The following TMEM74 variants were observed in gnomAD, a reference collection of about 807,000 sequenced individuals.
TMEM74 encodes the protein transmembrane protein 74.
A neutral mutation model predicts 18.1 loss-of-function variants in TMEM74; 13 were observed. That is an observed-to-expected ratio of 0.72 (90% confidence interval 0.47 to 1.14). The LOEUF is 1.14. Ranked by LOEUF, TMEM74 falls within the 50% of genes most tolerant of loss-of-function variation. TMEM74 has a pLI of 0.00. For synonymous variants in TMEM74, 159 were observed against 146.6 expected (o/e 1.08, Z -0.61); for missense variants, 372 against 375.9 (o/e 0.99, Z 0.09).
intron 2 of TMEM74, among the ~76,000 whole-genome samples, chr8:108,624,974 C>G (rs1380639027): frequency 1.3e-5 from 2 of 152,150 alleles, no homozygotes; most frequent in East Asian, 1.9e-4. Flanking sequence ...GCCATACTTA[C>G]TTAAATTAAC....
chr8:108,676,286 G>A (rs1455142390), intron 1 of TMEM74, among the ~76,000 whole-genome samples: 1 of 152,108 alleles, frequency 6.6e-6, no homozygotes, highest in Non-Finnish European at 1.5e-5. Context: ...ATCTGCTTCG[G>A]AATAAAGCCA....
intron 2 of TMEM74, among the ~76,000 whole-genome samples, chr8:108,649,177 A>G (rs1812748691): frequency 6.6e-6 from 1 of 152,162 alleles, no homozygotes; most frequent in Non-Finnish European, 1.5e-5. Context: ...TTATGTTCCT[A>G]GAAGTCTCAT....
At chr8:108,697,857 G>A (rs572494368) in intron 1 of TMEM74, among the ~76,000 whole-genome samples, 152 of 152,178 alleles carry the variant, frequency 1.0e-3, no homozygotes, top group Non-Finnish European at 1.8e-3. Context: ...GATGTTACCC[G>A]TAGTCTCTTC....
At chr8:108,665,281 G>A (rs1430527368) in intron 1 of TMEM74, among the ~76,000 whole-genome samples, 1 of 152,130 alleles carries the variant, frequency 6.6e-6, no homozygotes, top group East Asian at 1.9e-4. Flanking sequence ...CCAGCAGTCT[G>A]GGATGGGTGA....
intron 2 of TMEM74, among the ~76,000 whole-genome samples, chr8:108,651,281 C>A (rs1812772328): frequency 6.6e-6 from 1 of 152,028 alleles, no homozygotes; most frequent in South Asian, 2.1e-4. Context: ...TTTTTCCTTG[C>A]TAAAGAACTT....
intron 1 of TMEM74, among the ~76,000 whole-genome samples, chr8:108,670,465 C>T (rs191454942): frequency 6.6e-6 from 1 of 152,242 alleles, no homozygotes; most frequent in African/African-American, 2.4e-5. Flanking sequence ...TACTGAGTCT[C>T]CCATATACTG....
At chr8:108,722,334 A>C (rs1223676806) in intron 1 of TMEM74, among the ~76,000 whole-genome samples, 1 of 152,166 alleles carries the variant, frequency 6.6e-6, no homozygotes, top group Non-Finnish European at 1.5e-5. Flanking sequence ...GAATTCTTGT[A>C]AGCAACTAAC....
chr8:108,750,099 A>G lies in TMEM74; in HGVS notation n.119+37377T>C, dbSNP rs530595475. The stretch of plus-strand genomic sequence containing the variant: ...CATTTTCAAAATCCTAAACTGCTCC[A>G]AGGGAAATGAAAAGGCTTCATGGCA... On this transcript the variant is annotated intron_variant and non_coding_transcript_variant, in intron 1 of 3. Coordinates refer to the TMEM74 transcript ENST00000518838. 1.5e-3 allele frequency among the ~76,000 whole-genome samples: 234 copies of G among 152,220 alleles called. 4 individuals are homozygous for G. The highest frequency in any genetic ancestry group is 1.8e-4 in the Non-Finnish European group (12 of 67,980).
At chr8:108,659,118 A>G (rs1353886409) in intron 1 of TMEM74, among the ~76,000 whole-genome samples, 1 of 152,176 alleles carries the variant, frequency 6.6e-6, no homozygotes, top group Non-Finnish European at 1.5e-5. Context: ...ACCAACAAGT[A>G]ATTTAACATT....
At chr8:108,743,960 T>A (rs1371923727) in intron 1 of TMEM74, among the ~76,000 whole-genome samples, 1 of 152,092 alleles carries the variant, frequency 6.6e-6, no homozygotes. Flanking sequence ...CCTAGGGATT[T>A]AAAAAATGGC....
intron 1 of TMEM74, among the ~76,000 whole-genome samples, chr8:108,688,481 C>A (rs1200065487): frequency 6.6e-6 from 1 of 152,144 alleles, no homozygotes; most frequent in Non-Finnish European, 1.5e-5. Context: ...AGCCCCATGG[C>A]ATCACAATAT....
rs1244175143 is a variant in TMEM74 at position 108,782,224 on chromosome 8, T to C, written c.*1957A>G. Among the ~76,000 whole-genome samples, 2 of 152,164 alleles carry C rather than the reference T, an allele frequency of 1.3e-5. No homozygotes were observed. The highest frequency in any genetic ancestry group is 4.8e-5 in the African/African-American group (2 of 41,432). On this transcript the variant is annotated 3_prime_UTR_variant, in exon 2 of 2. Coordinates refer to ENST00000297459, the MANE Select transcript of TMEM74 (RefSeq NM_153015.3). The stretch of plus-strand genomic sequence containing the variant: ...AGAAACCTTCAGAATATAAAACTTA[T>C]ACCACTGGTAAGGCAGCCTCAACAA...
In TMEM74 at chr8:108,690,833, A is replaced by T. The variant is rs201676813; in HGVS notation, n.120-35396T>A. ...AAGACTTCATCTCAAAAAAAATAAAAAATAATAATAATAATAAAGTGCCAG... is the reference window on the plus strand; with the variant it reads ...AAGACTTCATCTCAAAAAAAATAAATAATAATAATAATAATAAAGTGCCAG... On this transcript the variant is annotated intron_variant and non_coding_transcript_variant, in intron 1 of 3. Coordinates refer to the TMEM74 transcript ENST00000518838. Among the ~76,000 whole-genome samples the T allele has an allele frequency of 7.3e-4, 111 of 151,990 alleles. No homozygotes were observed. The East Asian group carries it at 0.012, about 17-fold the overall frequency.
chr8:108,661,461 T>C (rs1406963449), intron 1 of TMEM74, among the ~76,000 whole-genome samples: 2 of 145,990 alleles, frequency 1.4e-5, no homozygotes, highest in Non-Finnish European at 3.0e-5. Context: ...GGCACATTGG[T>C]CTTTTTGTTT....
At chr8:108,663,578 A>G (rs959499987) in intron 1 of TMEM74, among the ~76,000 whole-genome samples, 7 of 152,208 alleles carry the variant, frequency 4.6e-5, no homozygotes, top group African/African-American at 1.2e-4. Context: ...ACAGGCAGAA[A>G]TAACATTTGA....
At chr8:108,606,871 T>G (rs1329113890) in exon 4 of TMEM74, 2 of 152,248 alleles carry the variant, frequency 1.3e-5, no homozygotes, top group Admixed American at 1.3e-4. Flanking sequence ...TCCATTTTAT[T>G]GTACTCATGG....
At chr8:108,677,792 G>A (rs1295110081) in intron 1 of TMEM74, among the ~76,000 whole-genome samples, 3 of 152,114 alleles carry the variant, frequency 2.0e-5, no homozygotes, top group African/African-American at 7.2e-5. Context: ...ACTGAATATG[G>A]CTAGTTGCCT....
chr8:108,771,673 G>A (rs899053586), intron 1 of TMEM74, among the ~76,000 whole-genome samples: 18 of 152,190 alleles, frequency 1.2e-4, no homozygotes, highest in Admixed American at 3.3e-4. Context: ...TGGTTGTACA[G>A]CAATCCAGTT....
rs138249929 is a variant in TMEM74, at chr8:108,784,261, A to G, written c.838T>C (p.Phe280Leu). Residue 280 changes from phenylalanine to leucine, a missense_variant, in exon 2 of 2, where the codon TTC becomes CTC. Phe to Leu is a conservative substitution (Grantham distance 22). Transcript: ENST00000297459. ...ESAKLYGSFN[F>L]RMKTSTNENT... ...TCATTCGTGCTGGTTTTCATCCTGA[A>G]GTTGAAAGAACCATAGAGTTTTGCA... 5.0e-5 allele frequency: 80 copies of G among 1,614,072 alleles called. No individual in the cohort carries two copies. The highest frequency in any genetic ancestry group is 6.1e-5 in the Non-Finnish European group (72 of 1,180,050).
Sources: allele counts gnomAD v4.1 joint callset (sites outside exome capture counted in the v4.1 genomes callset), GRCh38; gene constraint gnomAD v4.1.1; transcripts MANE v1.5; gene names NCBI Gene and HGNC (gene_info 2026-07-23, HGNC 2026-07-21).